The following MAML3 variants were observed in gnomAD, a reference collection of about 807,000 sequenced individuals.
MAML3 encodes mastermind like transcriptional coactivator 3, also known as mastermind-like protein 3.
A neutral mutation model predicts 101.9 loss-of-function variants in MAML3; 27 were observed. That is an observed-to-expected ratio of 0.27 (90% CI 0.20 to 0.37). The LOEUF is 0.37. MAML3 is among the 10% of genes least tolerant of loss of function. The pLI, the probability that MAML3 is intolerant of heterozygous loss-of-function variation, is 1.00. For synonymous variants in MAML3, 501 were observed against 555.9 expected (o/e 0.90, Z 1.39); for missense variants, 1,316 against 1,444.9 (o/e 0.91, Z 1.45).
chr4:139,738,513 A>C (rs1008891223), intron 2 of MAML3, among the ~76,000 whole-genome samples: 1 of 152,212 alleles, frequency 6.6e-6, no homozygotes, highest in Non-Finnish European at 1.5e-5. Context: ...ACTGCACTCC[A>C]GCCTGGGCAC....
chr4:140,037,250 A>AC (rs1164846252), intron 1 of MAML3, among the ~76,000 whole-genome samples: 3 of 151,718 alleles, frequency 2.0e-5, no homozygotes, highest in Non-Finnish European at 4.4e-5. Context: ...TGAAAAAAAA[A>AC]AAACAAAAAC....
chr4:139,734,724 A>C (rs1202700670), intron 2 of MAML3, among the ~76,000 whole-genome samples: 1 of 152,258 alleles, frequency 6.6e-6, no homozygotes, highest in Non-Finnish European at 1.5e-5. Context: ...TTTATTTATA[A>C]ATCTGTGCGT....
At chr4:140,080,136 A>G (rs1159274765) in intron 1 of MAML3, among the ~76,000 whole-genome samples, 1 of 152,264 alleles carries the variant, frequency 6.6e-6, no homozygotes, top group Admixed American at 6.5e-5. Flanking sequence ...GTGAAGGTTA[A>G]TCTGCAGGAA....
At position 139,969,267 on chromosome 4, in the gene MAML3, C is replaced by T. The variant is rs545098716; in HGVS notation, c.469-78300G>A. 1.5e-4 allele frequency among the ~76,000 whole-genome samples: 23 copies of T among 151,734 alleles called. No homozygotes were observed. In the South Asian group the frequency reaches 2.7e-3, roughly 18 times the overall value. ...ATTTGTAGCACACTCCCACCATCCC[C>T]GCCGTGGGATAGGTAGGTAGGTAGA... On this transcript the variant is annotated intron_variant, in intron 1 of 4. Coordinates refer to ENST00000509479, the MANE Select transcript of MAML3 (RefSeq NM_018717.5).
chr4:140,017,194 A>G (rs1726655531), intron 1 of MAML3, among the ~76,000 whole-genome samples: 2 of 152,230 alleles, frequency 1.3e-5, no homozygotes, highest in Non-Finnish European at 2.9e-5. Context: ...TAAGCACACA[A>G]AAAGATGTTC....
At chr4:140,073,916 G>A (rs983045373) in intron 1 of MAML3, among the ~76,000 whole-genome samples, 3 of 151,816 alleles carry the variant, frequency 2.0e-5, no homozygotes, top group South Asian at 4.2e-4. Flanking sequence ...GGCAGATCAC[G>A]AGGTCAAGAG....
chr4:140,069,959 T>C (rs1382540978), intron 1 of MAML3, among the ~76,000 whole-genome samples: 1 of 151,732 alleles, frequency 6.6e-6, no homozygotes, highest in Non-Finnish European at 1.5e-5. Context: ...CTACTAAAAA[T>C]ACAAAAATTA....
At chr4:139,969,798 A>G (rs1734202591) in intron 1 of MAML3, among the ~76,000 whole-genome samples, 1 of 152,184 alleles carries the variant, frequency 6.6e-6, no homozygotes, top group Non-Finnish European at 1.5e-5. Context: ...CCTCGCTGCC[A>G]CTATAAACAT....
intron 1 of MAML3, among the ~76,000 whole-genome samples, chr4:140,113,933 C>T (rs1316394547): frequency 6.6e-6 from 1 of 152,172 alleles, no homozygotes; most frequent in Non-Finnish European, 1.5e-5. Flanking sequence ...TATCTGCTCC[C>T]ACCCCGTTTT....
In MAML3 at chr4:140,015,512, G is replaced by T. The variant is rs1381046080; in HGVS notation, c.469-124545C>A. Among the ~76,000 whole-genome samples the T allele has an allele frequency of 6.6e-5, 10 of 152,320 alleles. No homozygotes were observed. The East Asian group carries it at 1.9e-3, about 29-fold the overall frequency. On this transcript the variant is annotated intron_variant, in intron 1 of 4. Coordinates refer to ENST00000509479, the MANE Select transcript of MAML3 (RefSeq NM_018717.5). ...AATTGATGAAGAGCATCTAAAAAAA[G>T]TCTATCATTAAAATAGTTATTGTTG...
At chr4:140,092,948 G>A (rs1216997538) in intron 1 of MAML3, among the ~76,000 whole-genome samples, 3 of 152,200 alleles carry the variant, frequency 2.0e-5, no homozygotes, top group Non-Finnish European at 4.4e-5. Flanking sequence ...GCAGCTTAGT[G>A]TGACAGCAGA....
chr4:139,942,293 C>T (rs1457231962), intron 1 of MAML3, among the ~76,000 whole-genome samples: 1 of 152,062 alleles, frequency 6.6e-6, no homozygotes, highest in African/African-American at 2.4e-5. Flanking sequence ...ACATTAATAG[C>T]CCAGCTAAGA....
intron 2 of MAML3, among the ~76,000 whole-genome samples, chr4:139,748,390 G>A (rs1444675843): frequency 1.3e-5 from 2 of 150,740 alleles, no homozygotes; most frequent in African/African-American, 2.4e-5. Flanking sequence ...AATACCAGGA[G>A]GAGGGTCTAG....
At chr4:139,772,945 T>TA (rs1248063336) in intron 2 of MAML3, among the ~76,000 whole-genome samples, 1 of 150,866 alleles carries the variant, frequency 6.6e-6, no homozygotes, top group Admixed American at 6.6e-5. Flanking sequence ...AAAGTATCAG[T>TA]AGAGGGCCCT....
chr4:140,027,403 C>A (rs1726843825), intron 1 of MAML3, among the ~76,000 whole-genome samples: 1 of 152,230 alleles, frequency 6.6e-6, no homozygotes, highest in African/African-American at 2.4e-5. Context: ...GTTGTTTGCA[C>A]TCTGTCTGCT....
At chr4:140,122,834 C>T (rs1010417802) in intron 1 of MAML3, among the ~76,000 whole-genome samples, 40 of 150,916 alleles carry the variant, frequency 2.7e-4, no homozygotes, top group African/African-American at 9.5e-4. Context: ...TCTAAAAGTG[C>T]CATCATTTCT....
chr4:139,997,576 G>A (rs1377459252), intron 1 of MAML3, among the ~76,000 whole-genome samples: 1 of 151,862 alleles, frequency 6.6e-6, no homozygotes, highest in Non-Finnish European at 1.5e-5. Flanking sequence ...TTTAAAGAAG[G>A]TATAAAAATA....
At chr4:139,723,155 A>C (rs1375222014) in intron 4 of MAML3, among the ~76,000 whole-genome samples, 1 of 152,260 alleles carries the variant, frequency 6.6e-6, no homozygotes, top group East Asian at 1.9e-4. Context: ...CAAGAATTAC[A>C]TCAGGATCTG....
At chr4:139,734,792 G>C (rs939030979) in intron 2 of MAML3, among the ~76,000 whole-genome samples, 1 of 152,278 alleles carries the variant, frequency 6.6e-6, no homozygotes. Flanking sequence ...TTGGGTGAGA[G>C]GGGCCAGCCT....
Sources: gnomAD v4.1 joint callset for allele counts (sites outside exome capture counted in the v4.1 genomes callset) on GRCh38, gnomAD v4.1.1 for gene constraint, MANE v1.5 for transcripts, NCBI Gene and HGNC (gene_info 2026-07-23, HGNC 2026-07-21) for gene names.